The following PRKCZ variants were observed in gnomAD, a reference collection of about 807,000 sequenced individuals.
The protein encoded by PRKCZ is protein kinase C zeta, also known as protein kinase C zeta type.
A neutral mutation model predicts 79.5 loss-of-function variants in PRKCZ; 33 were observed. The observed-to-expected ratio is 0.41, with a 90% confidence interval of 0.31 to 0.55. The LOEUF (loss-of-function observed/expected upper bound fraction) is 0.55, where lower values mean the gene tolerates loss of function less well. Ranked by LOEUF, PRKCZ falls within the 20% of genes least tolerant of loss-of-function variation. PRKCZ has a pLI of 0.19. For missense variants in PRKCZ, 578 were observed against 813.5 expected, an observed-to-expected ratio of 0.71 and a Z score of 3.52; for synonymous variants, 342 against 320.9, an observed-to-expected ratio of 1.07 and a Z score of -0.70.
intron 11 of PRKCZ, among the ~76,000 whole-genome samples, chr1:2,171,078 CCCAG>C (rs1684329934): frequency 1.3e-5 from 2 of 152,126 alleles, no homozygotes; most frequent in Non-Finnish European, 2.9e-5. Context: ...CGCCTGTAAT[CCCAG>C]CACTTTGAGA....
At chr1:2,073,868 T>C in intron 4 of PRKCZ, 2 of 1,088,358 alleles carry the variant, frequency 1.8e-6, no homozygotes, top group Admixed American at 9.5e-5. Context: ...GATGCCTCCC[T>C]GCACGCCCGC....
chr1:2,133,531 C>T (rs1420873738), intron 4 of PRKCZ: 1 of 145,058 alleles, frequency 6.9e-6, no homozygotes, highest in African/African-American at 2.6e-5. Context: ...TTGGTTCCAC[C>T]CCCCCCAGCT....
At chr1:2,055,132 C>T (rs2678951) in intron 1 of PRKCZ, among the ~76,000 whole-genome samples, 21,680 of 151,708 alleles carry the variant, frequency 0.14, 5,101 homozygotes, top group African/African-American at 0.49. Context: ...TTAGTAGAGA[C>T]GGGGTTTCAC....
intron 15 of PRKCZ, among the ~76,000 whole-genome samples, 159 bp from the exon 16 acceptor site, chr1:2,175,065 G>A (rs375322116): frequency 7.3e-5 from 11 of 151,560 alleles, no homozygotes; most frequent in African/African-American, 1.2e-4. Context: ...CTTAACGTAC[G>A]GGGAAGGAAC....
At chr1:2,151,187 C>T (rs1679834089) in intron 9 of PRKCZ, among the ~76,000 whole-genome samples, 1 of 152,244 alleles carries the variant, frequency 6.6e-6, no homozygotes, top group South Asian at 2.1e-4. Context: ...GTGAACATCA[C>T]AGTGTGCACT....
intron 10 of PRKCZ, among the ~76,000 whole-genome samples, chr1:2,162,685 C>G (rs1024246555): frequency 3.3e-5 from 5 of 152,142 alleles, no homozygotes; most frequent in African/African-American, 7.2e-5. Flanking sequence ...TGGGCTCAAA[C>G]GATTCTCCCA....
chr1:2,106,945 C>G (rs888890244), intron 4 of PRKCZ, among the ~76,000 whole-genome samples: 1 of 152,232 alleles, frequency 6.6e-6, no homozygotes, highest in Admixed American at 6.5e-5. Context: ...GCACGTGTCT[C>G]CAGAGGCCAA....
chr1:2,112,745 A>C (rs367902042), intron 4 of PRKCZ, among the ~76,000 whole-genome samples: 2 of 150,324 alleles, frequency 1.3e-5, no homozygotes, highest in South Asian at 2.1e-4. Context: ...GCTGGAGTGC[A>C]GTGGCGTGAT....
chr1:2,108,148 G>C (rs895897843), intron 4 of PRKCZ, among the ~76,000 whole-genome samples: 1 of 152,258 alleles, frequency 6.6e-6, no homozygotes, highest in African/African-American at 2.4e-5. Flanking sequence ...AAGGCATCGA[G>C]GTAAATGCCG....
intron 4 of PRKCZ, chr1:2,074,132 A>T: frequency 1.3e-6 from 2 of 1,535,552 alleles, no homozygotes; most frequent in Admixed American, 2.0e-5. Flanking sequence ...GTGCGGCTGC[A>T]GCAGCTCCCA....
chr1:2,133,037 T>C (rs886094641), intron 4 of PRKCZ, among the ~76,000 whole-genome samples: 1 of 152,238 alleles, frequency 6.6e-6, no homozygotes, highest in Non-Finnish European at 1.5e-5. Context: ...TGCTGTGTCC[T>C]GTGGGAGAGT....
chr1:2,135,059 GC>G, intron 4 of PRKCZ: 1 of 482,808 alleles, frequency 2.1e-6, no homozygotes, highest in Non-Finnish European at 3.7e-6. Context: ...GTCTCCAGCC[GC>G]CGAGGCCGTG....
At chr1:2,119,552 T>C (rs767668708) in intron 4 of PRKCZ, among the ~76,000 whole-genome samples, 1 of 152,170 alleles carries the variant, frequency 6.6e-6, no homozygotes, top group Admixed American at 6.5e-5. Context: ...TTTGTGCTAT[T>C]ATTTTATCAG....
At chr1:2,138,499 T>C (rs1272898366) in intron 5 of PRKCZ, among the ~76,000 whole-genome samples, 6 of 152,140 alleles carry the variant, frequency 3.9e-5, no homozygotes, top group African/African-American at 1.4e-4. Context: ...GCTGAGCACT[T>C]CTTGCAGAGG....
At chr1:2,086,054 C>CCT (rs1664466250) in intron 4 of PRKCZ, among the ~76,000 whole-genome samples, 1 of 128,470 alleles carries the variant, frequency 7.8e-6, no homozygotes, top group South Asian at 2.6e-4. Context: ...TTATTATCAT[C>CCT]CTTTTTTTTT....
chr1:2,177,310 G>A lies in PRKCZ; in HGVS notation c.1575+1997G>A, dbSNP rs1478264978. Among the ~76,000 whole-genome samples the A allele has an allele frequency of 2.6e-5, 4 of 152,062 alleles. No homozygotes were observed. Among genetic ancestry groups the A allele is most frequent in the Admixed American group, 6.6e-5 (1 of 15,264 alleles). On this transcript the variant is annotated intron_variant, in intron 16 of 17. Coordinates refer to ENST00000378567, the MANE Select transcript of PRKCZ (RefSeq NM_002744.6). This position sits in a 1 kb window ranked among gnomAD's most constrained non-coding sequence, Gnocchi z 6.4. ...AATTACGTGAGGAGCCAGCATCCCCGCTCCCAGCCACCTCCCCTCGCCCGT... is the reference window on the plus strand; with the variant it reads ...AATTACGTGAGGAGCCAGCATCCCCACTCCCAGCCACCTCCCCTCGCCCGT...
intron 3 of PRKCZ, among the ~76,000 whole-genome samples, chr1:2,058,023 A>G (rs1233053818): frequency 1.3e-5 from 2 of 152,086 alleles, no homozygotes; most frequent in African/African-American, 4.8e-5. Context: ...ATGTGTCATC[A>G]CGCCTGGCTA....
At chr1:2,108,619 A>G (rs1669076288) in intron 4 of PRKCZ, among the ~76,000 whole-genome samples, 1 of 152,162 alleles carries the variant, frequency 6.6e-6, no homozygotes, top group Non-Finnish European at 1.5e-5. Flanking sequence ...CTCTCCAGCC[A>G]TGTCCCCAGG....
chr1:2,106,750 A>G (rs12133181), intron 4 of PRKCZ, among the ~76,000 whole-genome samples: 2,419 of 49,480 alleles, frequency 0.049, 415 homozygotes, highest in East Asian at 0.11. Flanking sequence ...ACTCTCAGCA[A>G]GCCCCTCTGG....
Sources: allele counts gnomAD v4.1 joint callset (sites outside exome capture counted in the v4.1 genomes callset), GRCh38; gene constraint gnomAD v4.1.1; non-coding constraint Gnocchi (gnomAD v3.1); transcripts MANE v1.5; gene names NCBI Gene and HGNC (gene_info 2026-07-23, HGNC 2026-07-21).